Variants in AFTPH observed in about 807,000 individuals in gnomAD.
The protein encoded by AFTPH is aftiphilin protein.
In AFTPH, 7 loss-of-function variants were observed where a neutral mutation model predicts 72.5. The ratio of observed to expected loss-of-function variants is 0.10; its 90% confidence interval spans 0.05 to 0.18. AFTPH has a LOEUF of 0.18. Ranked by LOEUF, AFTPH falls within the 10% of genes least tolerant of loss-of-function variation. The pLI is 1.00. For missense variants in AFTPH, 979 were observed against 1,060.5 expected, an observed-to-expected ratio of 0.92 and a Z score of 1.07; for synonymous variants, 337 against 370.1, an observed-to-expected ratio of 0.91 and a Z score of 1.03.
intron 1 of AFTPH, among the ~76,000 whole-genome samples, chr2:64,545,516 C>G (rs979462124): frequency 3.8e-5 from 5 of 131,006 alleles, no homozygotes; most frequent in Admixed American, 9.0e-5. Context: ...TGTCCTTCAG[C>G]AGGTGAACAG....
chr2:64,552,640 A>G lies in AFTPH; in HGVS notation c.1166A>G (p.Lys389Arg), dbSNP rs754922704. ...GGTTCTCCCAAAGAAGAAAGTAGAA[A>G]GTTTACTAATTTCCAAAGCCCAAAC... The change falls in exon 2 of 9, where the codon AAG becomes AGG. Residue 389 changes from lysine (K) to arginine (R), a missense_variant. Lys to Arg is a conservative substitution (Grantham distance 26). Coordinates refer to ENST00000238856, the Ensembl canonical transcript of AFTPH. 4 of 1,614,212 alleles carry G rather than the reference A, an allele frequency of 2.5e-6. No homozygotes were observed. The African/African-American group carries it at 4.0e-5, about 16-fold the overall frequency.
chr2:64,552,266 C>T, exon 2 of AFTPH: 1 of 1,613,956 alleles, frequency 6.2e-7, no homozygotes, highest in Non-Finnish European at 8.5e-7. Context: ...TTCGGGAAAA[C>T]AATAAAATTA....
At chr2:64,540,270 C>G (rs1266391965) in intron 1 of AFTPH, among the ~76,000 whole-genome samples, 1 of 152,094 alleles carries the variant, frequency 6.6e-6, no homozygotes, top group African/African-American at 2.4e-5. Context: ...AAGGGCTAAT[C>G]CATCCATCCT....
intron 6 of AFTPH, among the ~76,000 whole-genome samples, chr2:64,574,953 ATT>A (rs751333415): frequency 2.6e-5 from 4 of 151,654 alleles, no homozygotes; most frequent in Non-Finnish European, 5.9e-5. Flanking sequence ...TTAGGAAAGT[ATT>A]TTGAGTAACT....
At chr2:64,545,823 A>G (rs953788892) in intron 1 of AFTPH, among the ~76,000 whole-genome samples, 2 of 151,982 alleles carry the variant, frequency 1.3e-5, no homozygotes, top group Admixed American at 6.6e-5. Context: ...TAGTTACACA[A>G]ATCTGAATAG....
At chr2:64,570,266 G>T (rs1435697516) in intron 5 of AFTPH, among the ~76,000 whole-genome samples, 2 of 152,054 alleles carry the variant, frequency 1.3e-5, no homozygotes, top group Non-Finnish European at 2.9e-5. Flanking sequence ...TTTGATGTTT[G>T]TGTTTTTTGG....
intron 1 of AFTPH, among the ~76,000 whole-genome samples, chr2:64,536,542 ACAGAGCAGAGCGAGACTCCAT>A (rs1669895978): frequency 6.7e-6 from 1 of 148,698 alleles, no homozygotes; most frequent in Non-Finnish European, 1.5e-5. Flanking sequence ...AGCCTGGGCG[ACAGAGCAGAGCGAGACTCCAT>A]CTTAAAAAAA....
chr2:64,547,860 A>C (rs573477672), intron 1 of AFTPH, among the ~76,000 whole-genome samples: 44 of 152,162 alleles, frequency 2.9e-4, no homozygotes, highest in African/African-American at 9.9e-4. Context: ...ATCACAGCTC[A>C]CTGCAGCCTT....
intron 1 of AFTPH, among the ~76,000 whole-genome samples, chr2:64,526,154 C>T (rs1014964523): frequency 6.6e-6 from 1 of 152,186 alleles, no homozygotes; most frequent in Non-Finnish European, 1.5e-5. Flanking sequence ...ATAATATGTC[C>T]TTAATAGCCT....
chr2:64,567,419 T>A, intron 2 of AFTPH, 143 bp from the exon 3 acceptor site: 1 of 761,282 alleles, frequency 1.3e-6, no homozygotes, highest in Non-Finnish European at 2.0e-6. Context: ...GTAGTTGTGT[T>A]CTTTTCACTC....
chr2:64,572,675 G>A (rs1219765434), intron 5 of AFTPH, among the ~76,000 whole-genome samples: 1 of 152,054 alleles, frequency 6.6e-6, no homozygotes, highest in Admixed American at 6.6e-5. Context: ...TCTCATTATA[G>A]TGCTATAGGA....
chr2:64,556,517 C>G (rs1338490155), intron 2 of AFTPH, among the ~76,000 whole-genome samples: 1 of 152,116 alleles, frequency 6.6e-6, no homozygotes, highest in Non-Finnish European at 1.5e-5. Context: ...GAAAACAAAT[C>G]TTTGTTTTGT....
intron 5 of AFTPH, among the ~76,000 whole-genome samples, chr2:64,572,745 G>C (rs1672517910): frequency 6.6e-6 from 1 of 151,900 alleles, no homozygotes; most frequent in African/African-American, 2.4e-5. Flanking sequence ...GAGGCAAGAG[G>C]ATCCCTTAAG....
intron 1 of AFTPH, among the ~76,000 whole-genome samples, chr2:64,545,913 G>A (rs1015563233): frequency 1.3e-5 from 2 of 151,880 alleles, no homozygotes; most frequent in African/African-American, 4.8e-5. Context: ...TTTTTAATGG[G>A]ATGGAGTCTC....
At chr2:64,550,677 G>GCACACACACACACACACA (rs56139158) in intron 1 of AFTPH, among the ~76,000 whole-genome samples, 1 of 130,152 alleles carries the variant, frequency 7.7e-6, no homozygotes, top group African/African-American at 2.9e-5. Context: ...CTGTACGCAT[G>GCACACACACACACACACA]CACACACACA....
intron 6 of AFTPH, among the ~76,000 whole-genome samples, chr2:64,578,624 C>T (rs1286513197): frequency 1.3e-5 from 2 of 151,212 alleles, no homozygotes; most frequent in East Asian, 1.9e-4. Flanking sequence ...GTGGCACGAT[C>T]TCGGCTCACT....
intron 2 of AFTPH, among the ~76,000 whole-genome samples, chr2:64,557,487 T>G (rs534852942): frequency 6.6e-6 from 1 of 152,306 alleles, no homozygotes; most frequent in Non-Finnish European, 1.5e-5. Flanking sequence ...AGTTACTGGT[T>G]TGTTTTGTTT....
At chr2:64,577,042 AGCCACCGCGCCTG>A (rs3836064) in intron 6 of AFTPH, among the ~76,000 whole-genome samples, 3,699 of 152,280 alleles carry the variant, frequency 0.024, 147 homozygotes, top group East Asian at 0.14. Flanking sequence ...TACAGGTGTG[AGCCACCGCGCCTG>A]GCCACCATGC....
chr2:64,546,036 G>A (rs1670592761), intron 1 of AFTPH, among the ~76,000 whole-genome samples: 1 of 151,910 alleles, frequency 6.6e-6, no homozygotes, highest in African/African-American at 2.4e-5. Context: ...GGGATTACAG[G>A]CACCCGCCAC....
Sources: gnomAD v4.1 joint callset for allele counts (sites outside exome capture counted in the v4.1 genomes callset) on GRCh38, gnomAD v4.1.1 for gene constraint, MANE v1.5 for transcripts, NCBI Gene and HGNC (gene_info 2026-07-23, HGNC 2026-07-21) for gene names.